The following FRMD6 variants were observed in gnomAD, a reference collection of about 807,000 sequenced individuals.
The protein encoded by FRMD6 is FERM domain containing 6.
Under a neutral mutation model 73.2 loss-of-function variants are expected in FRMD6, and 37 were observed. The ratio of observed to expected loss-of-function variants is 0.51; its 90% CI spans 0.39 to 0.66. The LOEUF (loss-of-function observed/expected upper bound fraction) is 0.66. Among genes scored for constraint, FRMD6 ranks in the 30% least tolerant of loss-of-function variants. The pLI, the probability that FRMD6 is intolerant of heterozygous loss-of-function variation, is 0.00. For synonymous variants in FRMD6, 273 were observed against 282.2 expected (o/e 0.97, Z 0.33); for missense variants, 714 against 780.5 (o/e 0.91, Z 1.02).
chr14:51,609,865 A>G (rs557397932), intron 2 of FRMD6, among the ~76,000 whole-genome samples: 31 of 152,316 alleles, frequency 2.0e-4, no homozygotes, highest in African/African-American at 6.5e-4. Context: ...CTTCTCATCC[A>G]AAATAGGCAC....
At chr14:51,592,947 A>G (rs1268426006) in intron 2 of FRMD6, among the ~76,000 whole-genome samples, 1 of 152,198 alleles carries the variant, frequency 6.6e-6, no homozygotes, top group African/African-American at 2.4e-5. Context: ...TCATTGTAGC[A>G]CCTATTTTTA....
chr14:51,461,004 T>C, the FRMD6 span, among the ~76,000 whole-genome samples: 2 of 152,196 alleles, frequency 1.3e-5, no homozygotes, highest in Non-Finnish European at 2.9e-5. Context: ...ATATAAAAGA[T>C]AGTGGAAACC....
chr14:51,623,272 A>G (rs1293427149), intron 2 of FRMD6, among the ~76,000 whole-genome samples: 6 of 152,252 alleles, frequency 3.9e-5, no homozygotes, highest in Non-Finnish European at 2.9e-5. Flanking sequence ...TTAAGAAATG[A>G]AATGAGATTA....
chr14:51,442,325 T>G, the FRMD6 span, among the ~76,000 whole-genome samples: 1 of 152,074 alleles, frequency 6.6e-6, no homozygotes, highest in South Asian at 2.1e-4. Flanking sequence ...TTCTCTCCTT[T>G]CCTTTCTCTT....
At chr14:51,438,653 C>T in the FRMD6 span, among the ~76,000 whole-genome samples, 561 of 152,284 alleles carry the variant, frequency 3.7e-3, 3 homozygotes, top group African/African-American at 0.012. Context: ...GGGTACCATT[C>T]GCCATTGGTT....
intron 2 of FRMD6, among the ~76,000 whole-genome samples, chr14:51,690,627 C>G (rs1197073722): frequency 6.6e-6 from 1 of 152,218 alleles, no homozygotes; most frequent in Non-Finnish European, 1.5e-5. Flanking sequence ...CTCAGGTGAT[C>G]CGCGTCAGCC....
intron 1 of FRMD6, among the ~76,000 whole-genome samples, chr14:51,675,325 C>T (rs1894311303): frequency 6.6e-6 from 1 of 152,020 alleles, no homozygotes; most frequent in Admixed American, 6.6e-5. Context: ...ACAGAAGGCA[C>T]CTTGGTCTCC....
At chr14:51,563,030 A>C (rs1420812941) in intron 1 of FRMD6, among the ~76,000 whole-genome samples, 1 of 152,220 alleles carries the variant, frequency 6.6e-6, no homozygotes, top group Non-Finnish European at 1.5e-5. Flanking sequence ...CATGTCTGGC[A>C]GTTGATGTTG....
intron 1 of FRMD6, among the ~76,000 whole-genome samples, chr14:51,570,117 T>G (rs1484828265): frequency 6.6e-6 from 1 of 152,132 alleles, no homozygotes; most frequent in African/African-American, 2.4e-5. Flanking sequence ...GCCCGGCCCA[T>G]GAGCCACCGT....
intron 1 of FRMD6, chr14:51,554,943 G>A (rs1367012360): frequency 1.3e-5 from 2 of 152,170 alleles, no homozygotes; most frequent in Non-Finnish European, 2.9e-5. Flanking sequence ...ATGGTACATG[G>A]GAACTCTGTG....
the FRMD6 span, among the ~76,000 whole-genome samples, chr14:51,433,148 T>C: frequency 0.11 from 17,442 of 152,296 alleles, 1,149 homozygotes; most frequent in Non-Finnish European, 0.14. Flanking sequence ...TTTACAAAGC[T>C]ACATGTGCGT....
chr14:51,592,507 G>A (rs1781205157), intron 2 of FRMD6, among the ~76,000 whole-genome samples: 1 of 152,190 alleles, frequency 6.6e-6, no homozygotes. Flanking sequence ...CTTGCCAGCA[G>A]TTGCTGAAAA....
chr14:51,407,622 C>T, the FRMD6 span, among the ~76,000 whole-genome samples: 17 of 151,648 alleles, frequency 1.1e-4, no homozygotes, highest in African/African-American at 4.1e-4. Context: ...TTTTTCTTTT[C>T]TCATATGAAT....
Position 51,728,917 on chromosome 14 carries a change from ATATT to A in FRMD6, c.*889_*892del, listed in dbSNP as rs1898125607. The A allele has an allele frequency of 6.6e-6, 1 of 152,188 alleles. No individual in the cohort carries two copies. Among genetic ancestry groups the A allele is most frequent in the African/African-American group, 2.4e-5 (1 of 41,432 alleles). 9.4% of individuals were successfully genotyped at this position (152,188 alleles called of 1,614,324 possible). ...TGCTTAACCAAAATACTCTGTGTAT[ATATT>A]ATACATATATAAATACATGGGATTG... On this transcript the variant is annotated 3_prime_UTR_variant, in exon 14 of 14. Coordinates refer to ENST00000344768, the MANE Select transcript of FRMD6 (RefSeq NM_001267046.2).
At chr14:51,590,476 A>G (rs1259844956) in intron 2 of FRMD6, among the ~76,000 whole-genome samples, 3 of 152,158 alleles carry the variant, frequency 2.0e-5, no homozygotes, top group African/African-American at 7.2e-5. Context: ...AAATTCACCC[A>G]GGAAAGTTAA....
At chr14:51,669,223 A>T (rs1383368988) in intron 1 of FRMD6, among the ~76,000 whole-genome samples, 1 of 152,036 alleles carries the variant, frequency 6.6e-6, no homozygotes, top group African/African-American at 2.4e-5. Flanking sequence ...TTTCTTGCAC[A>T]TATCAGTAGT....
chr14:51,512,011 G>A (rs950096964), intron 1 of FRMD6, among the ~76,000 whole-genome samples: 52 of 152,226 alleles, frequency 3.4e-4, no homozygotes, highest in African/African-American at 1.3e-3. Flanking sequence ...AATACTTCAT[G>A]ATGTATGTAT....
the FRMD6 span, among the ~76,000 whole-genome samples, chr14:51,473,739 C>T: frequency 6.6e-6 from 1 of 152,086 alleles, no homozygotes. Flanking sequence ...CCAGCCACAC[C>T]CTTGAGGCAG....
At chr14:51,692,115 G>A (rs185478200) in intron 2 of FRMD6, among the ~76,000 whole-genome samples, 1 of 152,090 alleles carries the variant, frequency 6.6e-6, no homozygotes, top group Non-Finnish European at 1.5e-5. Context: ...GATCCAACAG[G>A]CCTGCCTATT....
Sources: allele counts gnomAD v4.1 joint callset (sites outside exome capture counted in the v4.1 genomes callset), GRCh38; gene constraint gnomAD v4.1.1; transcripts MANE v1.5; gene names NCBI Gene and HGNC (gene_info 2026-07-23, HGNC 2026-07-21).